The following ARSB variants were observed in gnomAD, a reference collection of about 807,000 sequenced individuals.
ARSB encodes the protein N-acetylgalactosamine-4-sulfatase.
Under a neutral mutation model 50.9 loss-of-function variants are expected in ARSB, and 41 were observed. The ratio of observed to expected loss-of-function variants is 0.81; its 90% confidence interval spans 0.63 to 1.04. ARSB has a LOEUF of 1.04. Among genes scored for constraint, ARSB ranks in the 50% least tolerant of loss-of-function variants. The pLI, the probability that ARSB is intolerant of heterozygous loss-of-function variation, is 0.00. For missense variants in ARSB, 672 were observed against 693.3 expected, an observed-to-expected ratio of 0.97 and a Z score of 0.35; for synonymous variants, 269 against 284.8, an observed-to-expected ratio of 0.94 and a Z score of 0.56.
rs112153388 is a variant in ARSB at position 78,927,134 on chromosome 5, G to C, written c.898+28161C>G. Among the ~76,000 whole-genome samples the C allele has an allele frequency of 4.1e-3, 621 of 152,202 alleles. 4 individuals are homozygous for C. The highest frequency in any genetic ancestry group is 0.014 in the African/African-American group (577 of 41,506). On this transcript the variant is annotated intron_variant, in intron 4 of 7. Transcript: ENST00000264914. ...CTGGGCTCAAGTGATCAAGTTCTGG[G>C]ATTGCAGGCGTGAGCCACCACGCCT...
At chr5:78,980,458 G>T (rs1417976519) in intron 1 of ARSB, among the ~76,000 whole-genome samples, 2 of 152,140 alleles carry the variant, frequency 1.3e-5, no homozygotes, top group Non-Finnish European at 2.9e-5. Flanking sequence ...CAACCTACAT[G>T]TTCATCAGTA....
chr5:78,962,874 T>C (rs1470533630), intron 3 of ARSB, among the ~76,000 whole-genome samples: 3 of 152,200 alleles, frequency 2.0e-5, no homozygotes, highest in Admixed American at 2.0e-4. Context: ...TTTAACTCAT[T>C]CAGGGAAGAT....
chr5:78,813,834 G>A (rs1183407123), intron 6 of ARSB, among the ~76,000 whole-genome samples: 1 of 151,784 alleles, frequency 6.6e-6, no homozygotes, highest in Admixed American at 6.6e-5. Context: ...TTCTCATTTT[G>A]TATTTATTAT....
chr5:78,932,611 G>A (rs1421755458), intron 4 of ARSB, among the ~76,000 whole-genome samples: 3 of 152,178 alleles, frequency 2.0e-5, no homozygotes, highest in African/African-American at 7.2e-5. Context: ...ACAGGCCTGA[G>A]TTTGACTCCA....
intron 4 of ARSB, among the ~76,000 whole-genome samples, chr5:78,889,492 C>T (rs537104909): frequency 4.6e-5 from 7 of 151,990 alleles, no homozygotes; most frequent in Admixed American, 1.3e-4. Context: ...AGCAAAGAAA[C>T]GTTTTTTCAG....
chr5:78,887,056 G>T lies in ARSB; in HGVS notation c.899-1229C>A, dbSNP rs538008209. ...TGGCCAGGGGTGATATACCACCTCAGTTTCCTCGTCTTCATGTGGAAATAA... is the reference window on the plus strand; with the variant it reads ...TGGCCAGGGGTGATATACCACCTCATTTTCCTCGTCTTCATGTGGAAATAA... On this transcript the variant is annotated intron_variant, in intron 4 of 7. Coordinates refer to ENST00000264914, the MANE Select transcript of ARSB (RefSeq NM_000046.5). Among the ~76,000 whole-genome samples the T allele has an allele frequency of 2.0e-5, 3 of 152,282 alleles. No homozygotes were observed. The South Asian group carries it at 6.2e-4, about 32-fold the overall frequency.
At chr5:78,816,947 G>A in intron 6 of ARSB, 1 of 338,624 alleles carries the variant, frequency 3.0e-6, no homozygotes, top group Non-Finnish European at 4.2e-6. Context: ...CCTAAGCAGA[G>A]AACCCAGTTG....
chr5:78,850,288 A>C (rs1301112586), intron 5 of ARSB, among the ~76,000 whole-genome samples: 1 of 152,230 alleles, frequency 6.6e-6, no homozygotes, highest in East Asian at 1.9e-4. Context: ...AGTTTTGTCA[A>C]AGGCCTTTTC....
chr5:78,886,545 G>A (rs542994534), intron 4 of ARSB, among the ~76,000 whole-genome samples: 1 of 152,292 alleles, frequency 6.6e-6, no homozygotes, highest in Non-Finnish European at 1.5e-5. Context: ...AGGAATGGGA[G>A]ATCTTGGCAA....
At chr5:78,908,541 C>A (rs1039669682) in intron 4 of ARSB, among the ~76,000 whole-genome samples, 1 of 152,042 alleles carries the variant, frequency 6.6e-6, no homozygotes, top group Admixed American at 6.6e-5. Context: ...CCAATGAAAA[C>A]GGGCAGGCTC....
intron 4 of ARSB, among the ~76,000 whole-genome samples, chr5:78,907,509 T>G (rs1212661185): frequency 6.6e-6 from 1 of 152,178 alleles, no homozygotes; most frequent in Non-Finnish European, 1.5e-5. Flanking sequence ...TGGTTGCTGG[T>G]TTTGCTTGCA....
chr5:78,812,618 CACACACACACACAT>C (rs1743852891), intron 6 of ARSB, among the ~76,000 whole-genome samples: 2 of 150,872 alleles, frequency 1.3e-5, no homozygotes, highest in African/African-American at 4.9e-5. Flanking sequence ...CACACACACA[CACACACACACACAT>C]GATATCACAA....
intron 6 of ARSB, among the ~76,000 whole-genome samples, chr5:78,785,758 A>G (rs1749062920): frequency 6.6e-6 from 1 of 152,204 alleles, no homozygotes; most frequent in African/African-American, 2.4e-5. Flanking sequence ...TCCATGCCAT[A>G]AGGGACTCTG....
At chr5:78,890,049 T>A (rs1039268161) in intron 4 of ARSB, among the ~76,000 whole-genome samples, 1 of 152,152 alleles carries the variant, frequency 6.6e-6, no homozygotes, top group Non-Finnish European at 1.5e-5. Flanking sequence ...GAGAAGCCTC[T>A]TTGTCCCAGA....
At chr5:78,867,646 C>T (rs1343431054) in intron 5 of ARSB, among the ~76,000 whole-genome samples, 1 of 152,090 alleles carries the variant, frequency 6.6e-6, no homozygotes, top group African/African-American at 2.4e-5. Flanking sequence ...AGAAAGGACA[C>T]CGAAAACCCA....
intron 3 of ARSB, among the ~76,000 whole-genome samples, chr5:78,958,670 C>A (rs934440581): frequency 1.8e-4 from 27 of 152,042 alleles, no homozygotes; most frequent in African/African-American, 6.3e-4. Context: ...AGCATGTTTG[C>A]AACTTCTGTT....
At chr5:78,790,170 T>C (rs1481251281) in intron 6 of ARSB, among the ~76,000 whole-genome samples, 2 of 152,100 alleles carry the variant, frequency 1.3e-5, no homozygotes, top group Non-Finnish European at 2.9e-5. Context: ...AGGAAAGGGC[T>C]GTATCATTGA....
rs34737292 is a variant in ARSB at position 78,928,305 on chromosome 5, C to CTTTT, written c.898+26986_898+26989dup. 1.7e-4 allele frequency among the ~76,000 whole-genome samples: 12 copies of CTTTT among 72,590 alleles called. 1 individual carries two copies. The highest frequency in any genetic ancestry group is 1.5e-4 in the Non-Finnish European group (6 of 38,790). 47.6% of individuals were successfully genotyped at this position (72,590 alleles called of 152,430 possible). ...CAACTGTGATTGCCATTTGCTTTTGCTTTTTTTTTTTTTTTTTTTTTTTTT... is the reference window on the plus strand; with the variant it reads ...CAACTGTGATTGCCATTTGCTTTTGCTTTTTTTTTTTTTTTTTTTTTTTTTTTTT... On this transcript the variant is annotated intron_variant, in intron 4 of 7. Transcript: ENST00000264914.
intron 5 of ARSB, among the ~76,000 whole-genome samples, chr5:78,871,008 C>T (rs371512834): frequency 0.12 from 17,279 of 148,750 alleles, 1,176 homozygotes; most frequent in Middle Eastern, 0.2. Context: ...ACAAGCATTC[C>T]TATACACCAA....
Sources: gnomAD v4.1 joint callset for allele counts (sites outside exome capture counted in the v4.1 genomes callset) on GRCh38, gnomAD v4.1.1 for gene constraint, MANE v1.5 for transcripts, NCBI Gene and HGNC (gene_info 2026-07-23, HGNC 2026-07-21) for gene names.